Variants in LRP5 observed in about 807,000 individuals in gnomAD.
LRP5 encodes LDL receptor related protein 5.
Under a neutral mutation model 154.1 loss-of-function variants are expected in LRP5, and 62 were observed. The ratio of observed to expected loss-of-function variants is 0.40; its 90% CI spans 0.33 to 0.50. LRP5 has a LOEUF of 0.50. Among genes scored for constraint, LRP5 ranks in the 20% least tolerant of loss-of-function variants. The probability of loss-of-function intolerance (pLI) is 0.55; values close to 1 mark genes in which losing one functional copy is unlikely to be tolerated. For synonymous variants in LRP5, 966 were observed against 1,011.5 expected, an observed-to-expected ratio of 0.96 and a Z score of 0.85; for missense variants, 1,915 against 2,336.7, an observed-to-expected ratio of 0.82 and a Z score of 3.72.
chr11:68,443,873 G>T (rs1656287249), intron 21 of LRP5, among the ~76,000 whole-genome samples: 2 of 151,378 alleles, frequency 1.3e-5, no homozygotes, highest in Admixed American at 6.6e-5. Flanking sequence ...TGGTCAGGCT[G>T]GTCTCGAACT....
intron 21 of LRP5, chr11:68,445,790 G>C (rs1242395927): frequency 1.6e-6 from 1 of 635,160 alleles, no homozygotes; most frequent in Non-Finnish European, 2.5e-6. Flanking sequence ...TTCACGTGGT[G>C]AATTTGTCTA....
intron 1 of LRP5, among the ~76,000 whole-genome samples, chr11:68,330,892 G>A (rs992344232): frequency 1.3e-5 from 2 of 152,216 alleles, no homozygotes; most frequent in Middle Eastern, 3.2e-3. Context: ...GATCTCCACC[G>A]GTCCAGGATT....
At chr11:68,410,208 G>T in intron 10 of LRP5, 68 bp downstream of exon 10, 3 of 1,292,676 alleles carry the variant, frequency 2.3e-6, no homozygotes, top group Non-Finnish European at 3.3e-6. Context: ...GGTGCCAACT[G>T]GGCAAGGTGG....
intron 22 of LRP5, among the ~76,000 whole-genome samples, chr11:68,448,242 C>T (rs1213897372): frequency 1.3e-5 from 2 of 152,240 alleles, no homozygotes; most frequent in African/African-American, 4.8e-5. Context: ...TCATCTCCCA[C>T]TGGGTCCCTC....
chr11:68,395,707 G>A (rs750155712), intron 7 of LRP5, among the ~76,000 whole-genome samples: 127 of 151,784 alleles, frequency 8.4e-4, no homozygotes, highest in Non-Finnish European at 1.5e-3. Context: ...GCCCAGACCC[G>A]CCCTGCCATC....
chr11:68,333,300 A>G (rs546027406), intron 1 of LRP5, among the ~76,000 whole-genome samples: 1 of 152,326 alleles, frequency 6.6e-6, no homozygotes, highest in African/African-American at 2.4e-5. Context: ...CGAGAAGCTA[A>G]GGTATGGTTT....
Position 68,406,702 on chromosome 11 carries a change from C to A in LRP5, c.1980C>A (p.Leu660=). Residue 660 remains leucine (L), a synonymous_variant, in exon 9 of 23, where the codon CTC becomes CTA. Transcript: ENST00000294304. The part of the protein sequence containing the change: ...TSRAAIHRIS[L]ETNNNDVAIP... Reference sequence around the variant, plus strand: ...GAGCCGCCATCCACAGGATCTCCCTCGAGACCAATAACAACGACGTGGCCA... The same window carrying A: ...GAGCCGCCATCCACAGGATCTCCCTAGAGACCAATAACAACGACGTGGCCA... 1.9e-6 allele frequency: 3 copies of A among 1,614,186 alleles called. No homozygotes were observed. The highest frequency in any genetic ancestry group is 2.5e-6 in the Non-Finnish European group (3 of 1,180,042).
chr11:68,383,563 G>A (rs2098641386), intron 5 of LRP5, among the ~76,000 whole-genome samples: 1 of 152,212 alleles, frequency 6.6e-6, no homozygotes, highest in Admixed American at 6.5e-5. Context: ...GCCCAGAGAG[G>A]GGCAGGAACC....
chr11:68,367,493 G>T (rs1304389347), intron 5 of LRP5, among the ~76,000 whole-genome samples: 1 of 152,220 alleles, frequency 6.6e-6, no homozygotes, highest in Non-Finnish European at 1.5e-5. Flanking sequence ...GGGTGCCTCG[G>T]CTGCACAAGC....
chr11:68,317,335 C>T (rs970843988), intron 1 of LRP5, among the ~76,000 whole-genome samples: 1 of 152,246 alleles, frequency 6.6e-6, no homozygotes, highest in Non-Finnish European at 1.5e-5. Context: ...AAGCTCCTGC[C>T]CTGGGGCATC....
chr11:68,340,280 T>C (rs1489234613), intron 1 of LRP5, among the ~76,000 whole-genome samples: 3 of 152,174 alleles, frequency 2.0e-5, no homozygotes, highest in Admixed American at 2.0e-4. Flanking sequence ...AATGATCACT[T>C]CCTGTTTCAT....
intron 5 of LRP5, among the ~76,000 whole-genome samples, chr11:68,367,973 G>A (rs1790286699): frequency 6.6e-6 from 1 of 151,616 alleles, no homozygotes; most frequent in African/African-American, 2.4e-5. Context: ...ACTGAGGCAG[G>A]AGAATTGCTT....
chr11:68,343,997 G>T (rs944663794), intron 1 of LRP5, among the ~76,000 whole-genome samples: 4 of 152,128 alleles, frequency 2.6e-5, no homozygotes, highest in Non-Finnish European at 5.9e-5. Context: ...TGGTGCAGGT[G>T]AAATGCAGAC....
At chr11:68,383,507 C>T (rs1167877432) in intron 5 of LRP5, among the ~76,000 whole-genome samples, 2 of 152,324 alleles carry the variant, frequency 1.3e-5, no homozygotes, top group East Asian at 1.9e-4. Context: ...GACAGGGACT[C>T]GGGCATCGCC....
intron 1 of LRP5, among the ~76,000 whole-genome samples, chr11:68,326,899 G>A (rs1188000234): frequency 2.0e-5 from 3 of 152,232 alleles, no homozygotes; most frequent in Non-Finnish European, 2.9e-5. Context: ...CTAGGTTGCT[G>A]TGTGGCTTCA....
intron 7 of LRP5, among the ~76,000 whole-genome samples, chr11:68,392,929 C>A (rs751918052): frequency 6.6e-6 from 1 of 152,046 alleles, no homozygotes; most frequent in Non-Finnish European, 1.5e-5. Flanking sequence ...AGTTTGAGAC[C>A]AGCCTGGCCA....
chr11:68,317,637 G>A (rs959469728), intron 1 of LRP5, among the ~76,000 whole-genome samples: 1 of 152,228 alleles, frequency 6.6e-6, no homozygotes, highest in Non-Finnish European at 1.5e-5. Context: ...CATGTGGGTG[G>A]CGCTCTGAGG....
chr11:68,443,577 A>ATT (rs1313213351), intron 21 of LRP5, among the ~76,000 whole-genome samples: 4 of 42,018 alleles, frequency 9.5e-5, no homozygotes, highest in East Asian at 1.4e-3. Flanking sequence ...ATATATATAT[A>ATT]TATATATATT....
At chr11:68,421,829 T>G (rs2098665983) in intron 13 of LRP5, among the ~76,000 whole-genome samples, 1 of 150,170 alleles carries the variant, frequency 6.7e-6, no homozygotes, top group South Asian at 2.1e-4. Flanking sequence ...GTGTGTGGTG[T>G]GTGGTGTGTG....
Sources: gnomAD v4.1 joint callset for allele counts (sites outside exome capture counted in the v4.1 genomes callset) on GRCh38, gnomAD v4.1.1 for gene constraint, MANE v1.5 for transcripts, NCBI Gene and HGNC (gene_info 2026-07-23, HGNC 2026-07-21) for gene names.